Variants in TTLL11 observed in about 807,000 individuals in gnomAD.
TTLL11 encodes the protein tubulin tyrosine ligase like 11.
A neutral mutation model predicts 51.7 loss-of-function variants in TTLL11; 42 were observed. The ratio of observed to expected loss-of-function variants is 0.81; its 90% confidence interval spans 0.64 to 1.05. The LOEUF (loss-of-function observed/expected upper bound fraction) is 1.05, where lower values mean the gene tolerates loss of function less well. Among genes scored for constraint, TTLL11 ranks in the 50% least tolerant of loss-of-function variants. The pLI is 0.00. For synonymous variants in TTLL11, 381 were observed against 383.5 expected, an observed-to-expected ratio of 0.99 and a Z score of 0.08; for missense variants, 799 against 940.4, an observed-to-expected ratio of 0.85 and a Z score of 1.97.
At chr9:122,048,775 C>G (rs916537406) in intron 1 of TTLL11, among the ~76,000 whole-genome samples, 1 of 152,194 alleles carries the variant, frequency 6.6e-6, no homozygotes. Flanking sequence ...TCCACTCCCC[C>G]TCCATGATGA....
intron 6 of TTLL11, among the ~76,000 whole-genome samples, chr9:121,895,771 A>ATCT (rs1839475209): frequency 0.011 from 3 of 270 alleles, no homozygotes; most frequent in Non-Finnish European, 0.02. Context: ...GTTTTGTGTT[A>ATCT]GTGTGTGGGT....
chr9:122,014,096 G>A (rs1165046782), intron 3 of TTLL11, among the ~76,000 whole-genome samples: 6 of 152,148 alleles, frequency 3.9e-5, no homozygotes, highest in Non-Finnish European at 2.9e-5. Context: ...TCAGGCACGT[G>A]GCTCACACCT....
chr9:121,977,863 C>T lies in TTLL11; in HGVS notation c.1270-2884G>A, dbSNP rs1024451625. On this transcript the variant is annotated intron_variant, in intron 4 of 8. Coordinates refer to ENST00000321582, the MANE Select transcript of TTLL11 (RefSeq NM_001139442.2). ...CTAATTTTTGTATTTTTAGTAGAGA[C>T]GGGGTTTCACCATCTTGGCCAGGCT... Among the ~76,000 whole-genome samples, 36 of 152,016 alleles carry T rather than the reference C, an allele frequency of 2.4e-4. 2 individuals are homozygous for T. Among genetic ancestry groups the T allele is most frequent in the Admixed American group, 2.0e-3 (31 of 15,268 alleles).
chr9:122,033,021 G>A (rs953031276), intron 2 of TTLL11, among the ~76,000 whole-genome samples: 5 of 151,930 alleles, frequency 3.3e-5, no homozygotes, highest in Middle Eastern at 3.4e-3. Flanking sequence ...GGCTAGTCTC[G>A]AACTTCTAGG....
intron 6 of TTLL11, among the ~76,000 whole-genome samples, chr9:121,886,709 A>T (rs1445236902): frequency 6.6e-6 from 1 of 152,208 alleles, no homozygotes; most frequent in Admixed American, 6.5e-5. Context: ...TGTCCAACCT[A>T]GGTACCCTTG....
chr9:121,831,967 C>T (rs930154601), intron 8 of TTLL11, among the ~76,000 whole-genome samples: 1 of 152,124 alleles, frequency 6.6e-6, no homozygotes, highest in African/African-American at 2.4e-5. Flanking sequence ...GGCTCTCTTC[C>T]TGGTTTGCAG....
chr9:121,936,697 G>T (rs1007749413), intron 6 of TTLL11, among the ~76,000 whole-genome samples: 1 of 152,142 alleles, frequency 6.6e-6, no homozygotes, highest in Non-Finnish European at 1.5e-5. Context: ...AACGAAAAAA[G>T]CTAAAATTAT....
chr9:121,911,597 T>TA (rs1840121765), intron 6 of TTLL11, among the ~76,000 whole-genome samples: 1 of 152,050 alleles, frequency 6.6e-6, no homozygotes, highest in African/African-American at 2.4e-5. Flanking sequence ...CATGGAATAC[T>TA]ATGAAGCCAT....
chr9:122,019,885 G>A (rs922227755), intron 3 of TTLL11, among the ~76,000 whole-genome samples: 18 of 152,224 alleles, frequency 1.2e-4, no homozygotes, highest in African/African-American at 4.3e-4. Flanking sequence ...AGTCTCACAA[G>A]ATCTGACTGT....
intron 6 of TTLL11, among the ~76,000 whole-genome samples, chr9:121,887,040 A>T (rs1237621085): frequency 1.3e-5 from 2 of 152,070 alleles, no homozygotes; most frequent in East Asian, 3.9e-4. Context: ...CCATCTCCAG[A>T]CCAGGATGAT....
chr9:122,032,341 G>A (rs772810956), intron 2 of TTLL11, among the ~76,000 whole-genome samples: 26 of 152,086 alleles, frequency 1.7e-4, no homozygotes, highest in Non-Finnish European at 3.4e-4. Context: ...AGTATTAAAG[G>A]CATGGAATAG....
intron 6 of TTLL11, among the ~76,000 whole-genome samples, chr9:121,908,624 C>T (rs1031887844): frequency 6.6e-6 from 1 of 152,224 alleles, no homozygotes; most frequent in South Asian, 2.1e-4. Flanking sequence ...CTACTCATCT[C>T]TTCATTTGTT....
At chr9:122,025,851 G>A (rs12349888) in intron 3 of TTLL11, among the ~76,000 whole-genome samples, 6,695 of 152,222 alleles carry the variant, frequency 0.044, 176 homozygotes, top group African/African-American at 0.073. Context: ...AGGTGTTCAT[G>A]GTGTATTTGT....
chr9:121,961,740 G>A (rs1242327109), intron 6 of TTLL11, among the ~76,000 whole-genome samples: 3 of 152,166 alleles, frequency 2.0e-5, no homozygotes, highest in African/African-American at 7.2e-5. Context: ...AATGAGAAAG[G>A]GGCAATAACT....
chr9:122,064,167 C>T (rs1384504516), intron 1 of TTLL11, among the ~76,000 whole-genome samples: 1 of 152,100 alleles, frequency 6.6e-6, no homozygotes, highest in Non-Finnish European at 1.5e-5. Context: ...TATCATTTTC[C>T]TTCTCAGCAC....
intron 6 of TTLL11, among the ~76,000 whole-genome samples, chr9:121,908,713 G>T (rs983446437): frequency 1.3e-5 from 2 of 152,166 alleles, no homozygotes; most frequent in Admixed American, 1.3e-4. Flanking sequence ...TTGTCTTCCA[G>T]GAGCTATTGT....
intron 6 of TTLL11, among the ~76,000 whole-genome samples, chr9:121,899,917 G>A (rs1839708201): frequency 6.6e-6 from 1 of 152,154 alleles, no homozygotes; most frequent in Admixed American, 6.5e-5. Context: ...TGTCTCTTAG[G>A]AGTTTTACAT....
At chr9:121,874,542 G>A (rs1838492380) in intron 6 of TTLL11, among the ~76,000 whole-genome samples, 1 of 152,162 alleles carries the variant, frequency 6.6e-6, no homozygotes, top group Admixed American at 6.5e-5. Context: ...TACATTACAT[G>A]TATTCCAAAT....
At chr9:122,005,617 T>C (rs1245859976) in intron 3 of TTLL11, among the ~76,000 whole-genome samples, 1 of 152,210 alleles carries the variant, frequency 6.6e-6, no homozygotes, top group Non-Finnish European at 1.5e-5. Flanking sequence ...ACCAGGTCCA[T>C]TCTGATTCAG....
Sources: allele counts gnomAD v4.1 joint callset (sites outside exome capture counted in the v4.1 genomes callset), GRCh38; gene constraint gnomAD v4.1.1; transcripts MANE v1.5; gene names NCBI Gene and HGNC (gene_info 2026-07-23, HGNC 2026-07-21).